Variants in EPX observed in about 807,000 individuals in gnomAD.
The protein encoded by EPX is eosinophil peroxidase.
A neutral mutation model predicts 73.0 loss-of-function variants in EPX; 60 were observed. The ratio of observed to expected loss-of-function variants is 0.82; its 90% CI spans 0.67 to 1.02. The LOEUF (loss-of-function observed/expected upper bound fraction) is 1.02, where lower values mean the gene tolerates loss of function less well. Among genes scored for constraint, EPX ranks in the 50% least tolerant of loss-of-function variants. The pLI is 0.00. For synonymous variants in EPX, 347 were observed against 389.2 expected, an observed-to-expected ratio of 0.89 and a Z score of 1.28; for missense variants, 950 against 973.9, an observed-to-expected ratio of 0.98 and a Z score of 0.33.
At chr17:58,200,126 T>C in intron 9 of EPX, 99 bp from the exon 10 acceptor site, 1 of 1,158,462 alleles carries the variant, frequency 8.6e-7, no homozygotes, top group African/African-American at 1.5e-5. Context: ...CATACCCGAC[T>C]GGCTTGTCCA....
At chr17:58,195,210 C>T in intron 6 of EPX, 40 bp downstream of exon 6, 1 of 1,533,274 alleles carries the variant, frequency 6.5e-7, no homozygotes, top group Non-Finnish European at 9.0e-7. Context: ...CTTGTGTGGC[C>T]TCCCCCAAAG....
chr17:58,194,900 T>A, intron 5 of EPX, 64 bp from the exon 6 acceptor site: 1 of 1,231,612 alleles, frequency 8.1e-7, no homozygotes. Context: ...GAGTCCTGGG[T>A]TGGCTCTAAT....
Position 58,192,776 on chromosome 17 carries a change from G to A in EPX, c.-71G>A, listed in dbSNP as rs1968191510. On this transcript the variant is annotated 5_prime_UTR_variant, in exon 1 of 13. Coordinates refer to ENST00000225371, the MANE Select transcript of EPX (RefSeq NM_000502.6). ...GGCTGGGGGTCCTCAAAGTGAGAGG[G>A]GAGCAGAGGATCCTCCCGTGCAGGC... is the stretch of plus-strand genomic sequence containing the variant. 1 of 1,343,708 alleles carries A rather than the reference G, an allele frequency of 7.4e-7. No homozygotes were observed. Among genetic ancestry groups the A allele is most frequent in the East Asian group, 2.4e-5 (1 of 40,848 alleles). 83.2% of individuals were successfully genotyped at this position (1,343,708 alleles called of 1,614,324 possible). A position where few individuals can be genotyped will look rare whatever the true frequency, so the allele number is the denominator to read the frequency against.
intron 6 of EPX, among the ~76,000 whole-genome samples, chr17:58,195,571 G>GGGCTTGGGCTTGGGC (rs1450065291): frequency 2.0e-5 from 3 of 152,186 alleles, no homozygotes; most frequent in African/African-American, 7.2e-5. Context: ...TGGGCTGTAA[G>GGGCTTGGGCTTGGGC]TAGGGTCCTA....
chr17:58,193,185 G>A (rs1968202604), intron 2 of EPX, 54 bp downstream of exon 2: 2 of 1,372,400 alleles, frequency 1.5e-6, no homozygotes, highest in Non-Finnish European at 1.0e-6. Context: ...GAGGGGCATG[G>A]GCCCCAGCCA....
intron 11 of EPX, among the ~76,000 whole-genome samples, chr17:58,203,957 A>C (rs1968386670): frequency 6.8e-6 from 1 of 147,732 alleles, no homozygotes; most frequent in South Asian, 2.2e-4. Context: ...AAAAAAAAAA[A>C]AAAAAAAAAA....
At chr17:58,202,987 T>C in intron 10 of EPX, 94 bp from the exon 11 acceptor site, 1 of 913,096 alleles carries the variant, frequency 1.1e-6, no homozygotes, top group East Asian at 2.4e-5. Flanking sequence ...CAATATTGAC[T>C]GGCCACAGCT....
At chr17:58,193,636 G>T (rs1245354710) in intron 3 of EPX, 78 bp from the exon 4 acceptor site, 2 of 1,557,894 alleles carry the variant, frequency 1.3e-6, no homozygotes, top group Non-Finnish European at 8.8e-7. Context: ...CAGGTTTGGG[G>T]TGCTGGGAGG....
rs555342841 is a variant in EPX at position 58,200,128 on chromosome 17, G to A, written c.1538-97G>A. 6.7e-6 allele frequency: 8 copies of A among 1,196,906 alleles called. No homozygotes were observed. In the African/African-American group the frequency reaches 1.2e-4, roughly 18 times the overall value. The allele number at this position is 1,196,906 out of a possible 1,614,324, so 74.1% of individuals were successfully genotyped here. A position where few individuals can be genotyped will look rare whatever the true frequency, so the allele number is the denominator to read the frequency against. On this transcript the variant is annotated intron_variant, in intron 9 of 12. Transcript: ENST00000225371. ...CAAACGTTACTAACATACCCGACTG[G>A]CTTGTCCAGCTCTGGGCTAGCTTGG...
intron 7 of EPX, among the ~76,000 whole-genome samples, 199 bp from the exon 8 acceptor site, chr17:58,198,841 G>A (rs767828635): frequency 6.6e-6 from 1 of 152,158 alleles, no homozygotes; most frequent in Non-Finnish European, 1.5e-5. Flanking sequence ...AGGAACCCCC[G>A]GTCCTTCCGC....
In EPX at chr17:58,199,717, A is replaced by T; in HGVS notation, c.1460A>T (p.Gln487Leu). The change falls in exon 9 of 13, where the codon CAG becomes CTG. Residue 487 changes from glutamine to leucine, a missense_variant. Physicochemically the swap from Gln to Leu is moderately radical, Grantham distance 113. Coordinates refer to ENST00000225371, the MANE Select transcript of EPX (RefSeq NM_000502.6). ...CCCTTCATGTTCCGCTTGGACAGTCAGTACCGGGCCTCCGCACCCAACTCG... is the reference window on the plus strand; with the variant it reads ...CCCTTCATGTTCCGCTTGGACAGTCTGTACCGGGCCTCCGCACCCAACTCG... The part of the protein sequence containing the change: ...LQPFMFRLDS[Q>L]YRASAPNSHV... 6.2e-7 allele frequency: 1 copy of T among 1,614,238 alleles called. No individual in the cohort carries two copies. The highest frequency in any genetic ancestry group is 8.5e-7 in the Non-Finnish European group (1 of 1,180,046).
Position 58,194,080 on chromosome 17 carries a change from C to T in EPX, c.582C>T (p.Phe194=), listed in dbSNP as rs1362845825. The T allele has an allele frequency of 6.2e-7, 1 of 1,613,412 alleles. No homozygotes were observed. The highest frequency in any genetic ancestry group is 1.7e-5 in the Admixed American group (1 of 60,026). ...CCCCCAGCAGGAGGCGCAATGGCTT[C>T]CTTCTCCCTCTTGTGAGTTGGGGCT... ...GWTPSRRRNG[F]LLPLVRAVSN... The change falls in exon 5 of 13, where the codon TTC becomes TTT. Residue 194 remains phenylalanine (F), a synonymous_variant. Coordinates refer to ENST00000225371, the MANE Select transcript of EPX (RefSeq NM_000502.6).
chr17:58,202,961 A>G, intron 10 of EPX, 120 bp from the exon 11 acceptor site: 2 of 760,712 alleles, frequency 2.6e-6, no homozygotes, highest in East Asian at 2.5e-5. Flanking sequence ...TGCCAGCAGG[A>G]TCTTCTGGTT....
rs367769459 is a variant in EPX, at chr17:58,197,028, A to T, written c.891A>T (p.Arg297Ser). The T allele has an allele frequency of 6.2e-7, 1 of 1,614,142 alleles. No individual in the cohort carries two copies. The highest frequency in any genetic ancestry group is 2.2e-5 in the East Asian group (1 of 44,884). The change falls in exon 7 of 13, where the codon AGA (arginine) becomes AGT (serine). Residue 297 changes from arginine (R) to serine (S), a missense_variant. Physicochemically the swap from Arg to Ser is moderately radical, Grantham distance 110. Transcript: ENST00000225371. ...CCTCATGCCCCCAAAACAAGAACAG[A>T]GTCCGCAACCAGATCAACGCGCTCA... The part of the protein sequence containing the change: ...SAPSCPQNKN[R>S]VRNQINALTS...
intron 2 of EPX, 68 bp downstream of exon 2, chr17:58,193,199 T>G: frequency 7.9e-7 from 1 of 1,264,910 alleles, no homozygotes; most frequent in East Asian, 2.3e-5. Flanking sequence ...CCAGCCAAGT[T>G]CATCTCACTC....
chr17:58,203,150 T>G lies in EPX; in HGVS notation c.1778T>G (p.Leu593Arg), dbSNP rs1968363624. 1 of 1,614,226 alleles carries G rather than the reference T, an allele frequency of 6.2e-7. No homozygotes were observed. Among genetic ancestry groups the G allele is most frequent in the Admixed American group, 1.7e-5 (1 of 60,028 alleles). The change falls in exon 11 of 13, where the codon CTG becomes CGG. Residue 593 changes from leucine (L) to arginine (R), a missense_variant. Physicochemically the swap from Leu to Arg is moderately radical, Grantham distance 102. Coordinates refer to ENST00000225371, the MANE Select transcript of EPX (RefSeq NM_000502.6). ...PRNLAQLSRVLKNQDLARKFL... is the reference protein window; with the variant it reads ...PRNLAQLSRVRKNQDLARKFL... ...AATTTGGCACAGCTTAGCCGGGTGC[T>G]GAAAAACCAGGACTTGGCAAGGAAG... is the stretch of plus-strand genomic sequence containing the variant.
At chr17:58,194,178 T>C in intron 5 of EPX, 86 bp downstream of exon 5, 1 of 1,395,494 alleles carries the variant, frequency 7.2e-7, no homozygotes, top group Non-Finnish European at 1.0e-6. Flanking sequence ...CAGGCAGGGC[T>C]TGAACCCAGG....
intron 7 of EPX, 26 bp downstream of exon 7, chr17:58,197,283 T>C (rs1433198802): frequency 8.7e-6 from 14 of 1,607,426 alleles, no homozygotes; most frequent in Middle Eastern, 1.6e-4. Flanking sequence ...AGGTGGTGTC[T>C]TCCCAGGAAA....
chr17:58,201,238 C>T (rs1021795613), intron 10 of EPX, among the ~76,000 whole-genome samples: 1 of 152,226 alleles, frequency 6.6e-6, no homozygotes, highest in African/African-American at 2.4e-5. Flanking sequence ...CTGCCCACCC[C>T]ACTTCACACA....
Sources: allele counts gnomAD v4.1 joint callset (sites outside exome capture counted in the v4.1 genomes callset), GRCh38; gene constraint gnomAD v4.1.1; transcripts MANE v1.5; gene names NCBI Gene and HGNC (gene_info 2026-07-23, HGNC 2026-07-21).